Variants in RASAL2 observed in about 807,000 individuals in gnomAD.
The protein encoded by RASAL2 is ras GTPase-activating protein nGAP.
A neutral mutation model predicts 128.9 loss-of-function variants in RASAL2; 58 were observed. The observed-to-expected ratio is 0.45, with a 90% confidence interval of 0.36 to 0.56. The LOEUF is 0.56. RASAL2 is among the 20% of genes least tolerant of loss of function. The pLI, the probability that RASAL2 is intolerant of heterozygous loss-of-function variation, is 0.00. For synonymous variants in RASAL2, 561 were observed against 580.8 expected (o/e 0.97, Z 0.49); for missense variants, 1,360 against 1,601.6 (o/e 0.85, Z 2.57).
chr1:178,184,479 T>C (rs1439166035), intron 1 of RASAL2, among the ~76,000 whole-genome samples: 2 of 152,058 alleles, frequency 1.3e-5, no homozygotes, highest in Non-Finnish European at 2.9e-5. Flanking sequence ...AGATCTGTGT[T>C]CCATTTTTAG....
chr1:178,408,670 A>G (rs1674153802), intron 4 of RASAL2, among the ~76,000 whole-genome samples: 2 of 144,980 alleles, frequency 1.4e-5, no homozygotes. Flanking sequence ...TTGTCATATT[A>G]CATTTCTGGC....
At chr1:178,168,768 A>G (rs1003670818) in intron 1 of RASAL2, among the ~76,000 whole-genome samples, 3 of 152,086 alleles carry the variant, frequency 2.0e-5, no homozygotes, top group African/African-American at 7.2e-5. Context: ...GTCACACAGC[A>G]TGAACTCTTT....
chr1:178,268,415 C>T (rs1666087695), intron 1 of RASAL2, among the ~76,000 whole-genome samples: 2 of 152,140 alleles, frequency 1.3e-5, no homozygotes, highest in East Asian at 3.9e-4. Context: ...TTGCAGTGAG[C>T]CGAGATTGCA....
intron 3 of RASAL2, among the ~76,000 whole-genome samples, chr1:178,371,193 C>T (rs906983246): frequency 7.3e-5 from 11 of 151,656 alleles, no homozygotes; most frequent in East Asian, 1.9e-4. Flanking sequence ...GTAATGTAAA[C>T]GATGTAAAAA....
chr1:178,299,849 T>G, intron 2 of RASAL2, 143 bp from the exon 3 acceptor site: 15 of 769,534 alleles, frequency 1.9e-5, no homozygotes, highest in East Asian at 6.0e-5. Flanking sequence ...TACCTTACCA[T>G]TGTATATACT....
At chr1:178,156,747 A>G (rs1381949360) in intron 1 of RASAL2, among the ~76,000 whole-genome samples, 4 of 152,218 alleles carry the variant, frequency 2.6e-5, no homozygotes, top group South Asian at 4.1e-4. Flanking sequence ...TACACTTTCT[A>G]ATAAATATTC....
chr1:178,157,123 T>C (rs902920058), intron 1 of RASAL2, among the ~76,000 whole-genome samples: 2 of 152,204 alleles, frequency 1.3e-5, no homozygotes, highest in African/African-American at 4.8e-5. Context: ...ATTGACTTCC[T>C]GAACTCTCTT....
intron 4 of RASAL2, among the ~76,000 whole-genome samples, chr1:178,416,187 A>C (rs1269485336): frequency 2.0e-5 from 3 of 151,990 alleles, no homozygotes; most frequent in Non-Finnish European, 4.4e-5. Flanking sequence ...GACTTATATG[A>C]TTCCATTTTC....
intron 1 of RASAL2, among the ~76,000 whole-genome samples, chr1:178,156,688 C>T (rs1661096084): frequency 6.6e-6 from 1 of 152,156 alleles, no homozygotes; most frequent in South Asian, 2.1e-4. Context: ...TTAACGTGAC[C>T]TGTTGAGTAG....
chr1:178,274,773 A>G (rs1360822148), intron 1 of RASAL2, among the ~76,000 whole-genome samples: 3 of 152,050 alleles, frequency 2.0e-5, no homozygotes, highest in Non-Finnish European at 2.9e-5. Flanking sequence ...CTCTTTTTGT[A>G]GAGCCAGGGG....
chr1:178,319,870 C>T (rs575143434), intron 3 of RASAL2, among the ~76,000 whole-genome samples: 16 of 152,350 alleles, frequency 1.1e-4, no homozygotes, highest in African/African-American at 3.8e-4. Context: ...GAGAGACGCT[C>T]TGCGTTTTAG....
At chr1:178,346,167 A>G (rs190143693) in intron 3 of RASAL2, among the ~76,000 whole-genome samples, 3 of 152,202 alleles carry the variant, frequency 2.0e-5, no homozygotes, top group Non-Finnish European at 4.4e-5. Context: ...TGTAATCTCA[A>G]CACTTTGGGA....
rs151168004 is a variant in RASAL2, at chr1:178,203,125, A to G, written c.203-80439A>G. On this transcript the variant is annotated intron_variant, in intron 1 of 17. Transcript: ENST00000367649. Reference sequence around the variant, plus strand: ...ACTGGAATAGACACTTACTCTGGATAGGGGCTTGCCTATCCTGCACATAAT... The same window carrying G: ...ACTGGAATAGACACTTACTCTGGATGGGGGCTTGCCTATCCTGCACATAAT... Among the ~76,000 whole-genome samples, 1,070 of 152,308 alleles carry G rather than the reference A, an allele frequency of 7.0e-3. 13 individuals carry two copies. The highest frequency in any genetic ancestry group is 0.024 in the African/African-American group (1,012 of 41,566).
chr1:178,143,367 C>T (rs1326019854), intron 1 of RASAL2, among the ~76,000 whole-genome samples: 1 of 151,708 alleles, frequency 6.6e-6, no homozygotes, highest in East Asian at 1.9e-4. Flanking sequence ...GTGATACTAC[C>T]TTCATTGAGA....
At chr1:178,373,589 CAG>C (rs1438042619) in intron 3 of RASAL2, among the ~76,000 whole-genome samples, 1 of 151,890 alleles carries the variant, frequency 6.6e-6, no homozygotes, top group Non-Finnish European at 1.5e-5. Context: ...GAAAGGAAGG[CAG>C]AGTTATCATT....
chr1:178,226,196 A>G (rs1021797240), intron 1 of RASAL2, among the ~76,000 whole-genome samples: 1 of 152,192 alleles, frequency 6.6e-6, no homozygotes, highest in African/African-American at 2.4e-5. Flanking sequence ...CTGCATCTTA[A>G]TATGATCTCC....
intron 1 of RASAL2, among the ~76,000 whole-genome samples, chr1:178,118,889 TGG>T (rs1659613660): frequency 6.6e-6 from 1 of 151,712 alleles, no homozygotes; most frequent in Non-Finnish European, 1.5e-5. Flanking sequence ...TTTTTTGAGA[TGG>T]AGTTTCGCTC....
chr1:178,333,662 A>T (rs1474365547), intron 3 of RASAL2, among the ~76,000 whole-genome samples: 2 of 152,156 alleles, frequency 1.3e-5, no homozygotes, highest in Admixed American at 6.5e-5. Context: ...AGTTTACTTT[A>T]CCCATGGGGC....
chr1:178,375,607 A>G (rs1203900633), intron 3 of RASAL2, among the ~76,000 whole-genome samples: 1 of 152,136 alleles, frequency 6.6e-6, no homozygotes, highest in East Asian at 1.9e-4. Context: ...CTGTCTTTTC[A>G]GCACGTGGAA....
Sources: allele counts gnomAD v4.1 joint callset (sites outside exome capture counted in the v4.1 genomes callset), GRCh38; gene constraint gnomAD v4.1.1; transcripts MANE v1.5; gene names NCBI Gene and HGNC (gene_info 2026-07-23, HGNC 2026-07-21).